Variants in SYTL2 observed in about 807,000 individuals in gnomAD.
SYTL2 encodes synaptotagmin like 2.
Under a neutral mutation model 198.7 loss-of-function variants are expected in SYTL2, and 165 were observed. That is an observed-to-expected ratio of 0.83 (90% confidence interval 0.73 to 0.94). The LOEUF is 0.94. Among genes scored for constraint, SYTL2 ranks in the 40% least tolerant of loss-of-function variants. SYTL2 has a pLI of 0.00. For synonymous variants in SYTL2, 966 were observed against 917.7 expected (o/e 1.05, Z -0.95); for missense variants, 2,835 against 2,582.8 (o/e 1.10, Z -2.12).
chr11:85,751,361 G>A (rs1000186082), intron 2 of SYTL2, among the ~76,000 whole-genome samples: 9 of 151,892 alleles, frequency 5.9e-5, no homozygotes, highest in African/African-American at 1.5e-4. Context: ...AAATCTTCTC[G>A]TTTTCCAGCC....
At position 85,706,766 on chromosome 11, in the gene SYTL2, T is replaced by C. The variant is rs552948839; in HGVS notation, c.6018+663A>G. On this transcript the variant is annotated intron_variant, in intron 15 of 19. Coordinates refer to ENST00000359152, the MANE Select transcript of SYTL2 (RefSeq NM_206927.4). ...AAGCAGAAAAATAGCATAATCAGAA[T>C]TGTGCTTTTATAAGATCATTCTGGT... Among the ~76,000 whole-genome samples, 11 of 152,312 alleles carry C rather than the reference T, an allele frequency of 7.2e-5. 1 individual carries two copies. In the South Asian group the frequency reaches 2.3e-3, roughly 32 times the overall value.
In SYTL2 at chr11:85,727,354, G is replaced by C; in HGVS notation, c.2004C>G (p.Asn668Lys). 1.3e-6 allele frequency: 2 copies of C among 1,536,188 alleles called. No individual in the cohort carries two copies. The highest frequency in any genetic ancestry group is 1.7e-6 in the Non-Finnish European group (2 of 1,146,906). Reference protein sequence around the residue: ...KGNGASPSNSNYSYSVLKESD... With the variant: ...KGNGASPSNSKYSYSVLKESD... ...ATTCCTTGAGAACACTGTAGGAATA[G>C]TTACTATTTGAAGGAGATGCCCCAT... Residue 668 changes from asparagine to lysine, a missense_variant, in exon 8 of 20, where the codon AAC becomes AAG. Asn to Lys is a moderately conservative substitution (Grantham distance 94, BLOSUM62 0). Transcript: ENST00000359152.
rs543616364 is a variant in SYTL2 at position 85,789,281 on chromosome 11, G to GTATA, written c.-390+21669_-390+21672dup. On this transcript the variant is annotated intron_variant, in intron 1 of 19. Transcript: ENST00000359152. ...CTGGCTGATGTATGTGTGTGTGTGTGTATATATATATATATTTATTTATTT... is the reference window on the plus strand; with the variant it reads ...CTGGCTGATGTATGTGTGTGTGTGTGTATATATATATATATATATTTATTTATTT... 7.4e-3 allele frequency among the ~76,000 whole-genome samples: 961 copies of GTATA among 130,254 alleles called. 13 individuals carry two copies. The highest frequency in any genetic ancestry group is 0.025 in the African/African-American group (861 of 34,116). The allele number at this position is 130,254 out of a possible 152,430, so 85.5% of individuals were successfully genotyped here.
chr11:85,708,462 C>T (rs2085609257), intron 14 of SYTL2, among the ~76,000 whole-genome samples: 1 of 151,780 alleles, frequency 6.6e-6, no homozygotes, highest in South Asian at 2.1e-4. Context: ...TACCATTCAG[C>T]GTTTGCAAAA....
At chr11:85,731,364 T>C (rs1364826949) in intron 7 of SYTL2, among the ~76,000 whole-genome samples, 5 of 152,188 alleles carry the variant, frequency 3.3e-5, no homozygotes, top group Admixed American at 3.3e-4. Flanking sequence ...CAAAACTGCA[T>C]GGTACTGGTA....
At chr11:85,735,761 A>G (rs1418307365) in intron 6 of SYTL2, among the ~76,000 whole-genome samples, 1 of 152,102 alleles carries the variant, frequency 6.6e-6, no homozygotes, top group African/African-American at 2.4e-5. Context: ...CATGGCCAAA[A>G]AAAAAAAAGA....
At position 85,727,336 on chromosome 11, in the gene SYTL2, G is replaced by A. The variant is rs2089313186; in HGVS notation, c.2022C>T (p.Leu674=). ...PSNSNYSYSV[L]KESDAENQVP... ...CTTGGTTTTCTGCATCAGATTCCTT[G>A]AGAACACTGTAGGAATAGTTACTAT... The change falls in exon 8 of 20, where the codon CTC becomes CTT. Residue 674 remains leucine (L), a synonymous_variant. Transcript: ENST00000359152. 6.5e-7 allele frequency: 1 copy of A among 1,536,010 alleles called. No individual in the cohort carries two copies.
chr11:85,726,603 T>G lies in SYTL2; in HGVS notation c.2755A>C (p.Ser919Arg). ...GTAATGTTTCTTCTAGAAGGCAAAC[T>G]GTCTGCCACTTGTGATCTTTTTATA... ...EPIKRSQVADSLPSRRNITLP... is the reference protein window; with the variant it reads ...EPIKRSQVADRLPSRRNITLP... The change falls in exon 8 of 20, where the codon AGT becomes CGT. Residue 919 changes from serine to arginine, a missense_variant. Ser to Arg is a moderately radical substitution (Grantham distance 110, BLOSUM62 -1). This residue lies in a region of SYTL2 where 2,645 missense variants were observed against 2,381.7 expected (regional missense o/e 1.11). Coordinates refer to ENST00000359152, the MANE Select transcript of SYTL2 (RefSeq NM_206927.4). 1.3e-6 allele frequency: 2 copies of G among 1,554,670 alleles called. No individual in the cohort carries two copies. The highest frequency in any genetic ancestry group is 1.7e-6 in the Non-Finnish European group (2 of 1,155,436).
the SYTL2 span, among the ~76,000 whole-genome samples, chr11:85,841,124 C>T: frequency 0.3 from 46,178 of 151,868 alleles, 7,893 homozygotes; most frequent in African/African-American, 0.44. Flanking sequence ...CACAATGAGA[C>T]ATCATCTCAC....
At position 85,741,399 on chromosome 11, in the gene SYTL2, G is replaced by A. The variant is rs112808361; in HGVS notation, c.390-3743C>T. 6.4e-3 allele frequency among the ~76,000 whole-genome samples: 979 copies of A among 152,262 alleles called. 12 individuals are homozygous for A. Among genetic ancestry groups the A allele is most frequent in the African/African-American group, 0.022 (924 of 41,546 alleles). ...TACATAGTTCTCCAGTGTTCCCACTGTTCAGGCTACAGAGTTGTTGAACAT... is the reference window on the plus strand; with the variant it reads ...TACATAGTTCTCCAGTGTTCCCACTATTCAGGCTACAGAGTTGTTGAACAT... On this transcript the variant is annotated intron_variant, in intron 4 of 19. Coordinates refer to ENST00000359152, the MANE Select transcript of SYTL2 (RefSeq NM_206927.4).
chr11:85,847,877 TA>T, the SYTL2 span, among the ~76,000 whole-genome samples: 7 of 152,178 alleles, frequency 4.6e-5, no homozygotes, highest in Non-Finnish European at 1.0e-4. Flanking sequence ...TTCTGGCAGG[TA>T]TATGTATTGC....
the SYTL2 span, among the ~76,000 whole-genome samples, chr11:85,828,106 A>G: frequency 6.6e-6 from 1 of 152,158 alleles, no homozygotes; most frequent in Non-Finnish European, 1.5e-5. Flanking sequence ...TTCCACAAGG[A>G]ATTATTTATA....
intron 17 of SYTL2, 57 bp from the exon 18 acceptor site, chr11:85,698,135 C>A: frequency 8.5e-7 from 1 of 1,177,238 alleles, no homozygotes; most frequent in Non-Finnish European, 1.3e-6. Flanking sequence ...GGCAATACTG[C>A]GTCCAAAGAT....
At chr11:85,805,417 G>A (rs1022108163) in intron 1 of SYTL2, among the ~76,000 whole-genome samples, 1 of 151,994 alleles carries the variant, frequency 6.6e-6, no homozygotes, top group African/African-American at 2.4e-5. Flanking sequence ...TAAAGAATCT[G>A]CCCTAAGAAA....
intron 15 of SYTL2, among the ~76,000 whole-genome samples, chr11:85,706,882 C>A (rs1261770424): frequency 2.0e-5 from 3 of 151,028 alleles, no homozygotes; most frequent in Admixed American, 6.6e-5. Flanking sequence ...CACTCGTCAC[C>A]CATGCTGGAG....
intron 7 of SYTL2, among the ~76,000 whole-genome samples, chr11:85,732,902 T>C (rs2089958946): frequency 6.6e-6 from 1 of 152,122 alleles, no homozygotes; most frequent in Admixed American, 6.5e-5. Context: ...TTAAAAAACA[T>C]AAGAAATTAT....
chr11:85,805,822 AC>A (rs1451929966), intron 1 of SYTL2, among the ~76,000 whole-genome samples: 6 of 152,140 alleles, frequency 3.9e-5, no homozygotes, highest in Non-Finnish European at 7.4e-5. Context: ...ATATCTACCT[AC>A]CCCCAAATAT....
At chr11:85,795,043 C>T (rs1288499185) in intron 1 of SYTL2, among the ~76,000 whole-genome samples, 2 of 151,958 alleles carry the variant, frequency 1.3e-5, no homozygotes, top group Non-Finnish European at 2.9e-5. Flanking sequence ...GGGCAAGTTA[C>T]TTAGCTTCCT....
Position 85,696,316 on chromosome 11 carries a change from G to A in SYTL2, c.6441C>T (p.Ile2147=). The A allele has an allele frequency of 6.2e-7, 1 of 1,614,056 alleles. No homozygotes were observed. The highest frequency in any genetic ancestry group is 8.5e-7 in the Non-Finnish European group (1 of 1,179,932). ...TRAVGKTTNP[I]FNHTMVYDGF... The stretch of plus-strand genomic sequence containing the variant: ...CATCATACACCATAGTGTGGTTGAA[G>A]ATAGGGTTGGTGGTTTTCCCTACAG... Residue 2147 remains isoleucine, a synonymous_variant, in exon 19 of 20, where the codon ATC becomes ATT. Transcript: ENST00000359152.
Sources: gnomAD v4.1 joint callset for allele counts (sites outside exome capture counted in the v4.1 genomes callset) on GRCh38, gnomAD v4.1.1 for gene constraint, gnomAD v4.1.1 regional missense constraint, MANE v1.5 for transcripts, NCBI Gene and HGNC (gene_info 2026-07-23, HGNC 2026-07-21) for gene names.